Variants in GRIA3 observed in about 807,000 individuals in gnomAD.
GRIA3 encodes the protein glutamate receptor 3.
Under a neutral mutation model 63.0 loss-of-function variants are expected in GRIA3, and 3 were observed. The observed-to-expected ratio is 0.05, with a 90% CI of 0.02 to 0.12. GRIA3 has a LOEUF of 0.12. Ranked by LOEUF, GRIA3 falls within the 10% of genes least tolerant of loss-of-function variation. The probability of loss-of-function intolerance (pLI) is 1.00; values close to 1 mark genes in which losing one functional copy is unlikely to be tolerated. For missense variants in GRIA3, 347 were observed against 700.9 expected (o/e 0.50, Z 5.70); for synonymous variants, 274 against 257.9 (o/e 1.06, Z -0.60).
At chrX:123,470,203 T>C (rs2045854685) in intron 13 of GRIA3, among the ~76,000 whole-genome samples, 1 of 111,692 alleles carries the variant, frequency 9.0e-6, no homozygotes, top group Admixed American at 9.5e-5. Context: ...TTGAGAGGCA[T>C]ATAAGGAAAT....
At chrX:123,447,451 C>T (rs2147415926) in intron 12 of GRIA3, among the ~76,000 whole-genome samples, 1 of 111,932 alleles carries the variant, frequency 8.9e-6, no homozygotes, top group South Asian at 3.8e-4. Context: ...GTATCAGAAA[C>T]TCAAGTCAAA....
intron 3 of GRIA3, among the ~76,000 whole-genome samples, chrX:123,291,258 A>T (rs982016010): frequency 3.6e-5 from 4 of 111,471 alleles, no homozygotes; most frequent in African/African-American, 9.8e-5. Context: ...TAGTAGGTAG[A>T]TATGTATCTA....
At chrX:123,473,754 G>C (rs926804141) in intron 13 of GRIA3, among the ~76,000 whole-genome samples, 2 of 111,939 alleles carry the variant, frequency 1.8e-5, no homozygotes, top group Non-Finnish European at 3.8e-5. Flanking sequence ...GGGGCTTCCA[G>C]CTTAGGCCGT....
chrX:123,307,953 G>A (rs6648508), intron 3 of GRIA3, among the ~76,000 whole-genome samples: 2 of 111,704 alleles, frequency 1.8e-5, no homozygotes, highest in East Asian at 5.7e-4. Context: ...AATATCTCCA[G>A]TAGTGAAGAC....
chrX:123,287,638 C>G (rs527889505), intron 3 of GRIA3, among the ~76,000 whole-genome samples: 38 of 111,479 alleles, frequency 3.4e-4, no homozygotes, highest in Middle Eastern at 4.6e-3. Context: ...AACAGAGAGC[C>G]AATTCATGAG....
At chrX:123,482,265 T>C (rs1017823575) in intron 14 of GRIA3, among the ~76,000 whole-genome samples, 38 of 111,990 alleles carry the variant, frequency 3.4e-4, no homozygotes, top group African/African-American at 1.2e-3. Context: ...CAGAGAAAAA[T>C]AGCAGGAACC....
intron 5 of GRIA3, among the ~76,000 whole-genome samples, chrX:123,367,005 C>T (rs981929813): frequency 1.8e-5 from 2 of 111,242 alleles, no homozygotes; most frequent in African/African-American, 3.3e-5. Context: ...TCTCAGAGCC[C>T]GACTTTATGA....
At chrX:123,207,846 G>T (rs915208525) in intron 2 of GRIA3, among the ~76,000 whole-genome samples, 5 of 111,384 alleles carry the variant, frequency 4.5e-5, no homozygotes, top group Non-Finnish European at 7.5e-5. Context: ...GCCAAAAGAG[G>T]TAAGGCCTAC....
intron 3 of GRIA3, among the ~76,000 whole-genome samples, chrX:123,272,145 A>G (rs1569411633): frequency 9.0e-6 from 1 of 111,455 alleles, no homozygotes; most frequent in Non-Finnish European, 1.9e-5. Context: ...CGTCAGTCAC[A>G]TCTGGTTCTC....
intron 10 of GRIA3, among the ~76,000 whole-genome samples, chrX:123,413,086 C>A (rs1200722263): frequency 9.0e-6 from 1 of 111,479 alleles, no homozygotes; most frequent in African/African-American, 3.3e-5. Context: ...GGGAATCAGA[C>A]AACAAAAAGT....
intron 4 of GRIA3, 130 bp from the exon 5 acceptor site, chrX:123,354,780 A>G (rs2045122116): frequency 1.8e-6 from 1 of 550,476 alleles, no homozygotes; most frequent in African/African-American, 2.3e-5. Flanking sequence ...ACAACAAGAA[A>G]TCTGATCCAA....
In GRIA3 at chrX:123,445,102, A is replaced by G. The variant is rs369646625; in HGVS notation, c.2076+16963A>G. Among the ~76,000 whole-genome samples, 7 of 112,123 alleles carry G rather than the reference A, an allele frequency of 6.2e-5. No individual in the cohort carries two copies. The East Asian group carries it at 1.1e-3, about 18-fold the overall frequency. ...TGCTGATTAAGGCTATATTATGGAC[A>G]TTGCTCAGCTTCATATGTGGTTAAG... On this transcript the variant is annotated intron_variant, in intron 12 of 15. Transcript: ENST00000620443.
At chrX:123,310,607 A>G (rs967592618) in intron 3 of GRIA3, among the ~76,000 whole-genome samples, 16 of 113,111 alleles carry the variant, frequency 1.4e-4, no homozygotes, top group Admixed American at 5.6e-4. Context: ...CAATCAGGGT[A>G]AGGGAGCAGA....
chrX:123,206,094 A>G (rs1442317554), intron 2 of GRIA3, among the ~76,000 whole-genome samples: 1 of 111,882 alleles, frequency 8.9e-6, no homozygotes, highest in Non-Finnish European at 1.9e-5. Context: ...ACTGATCTGG[A>G]AAACATAACT....
rs187271988 is a variant in GRIA3 at position 123,243,613 on chromosome X, A to G, written c.269-9690A>G. 4.1e-3 allele frequency among the ~76,000 whole-genome samples: 464 copies of G among 112,265 alleles called. 6 individuals are homozygous for G. The highest frequency in any genetic ancestry group is 0.014 in the African/African-American group (440 of 30,890). Reference sequence around the variant, plus strand: ...AACCACCTTATCATGAAGTCACAGCATCCTACACATTCTCCTCTTCATAGT... The same window carrying G: ...AACCACCTTATCATGAAGTCACAGCGTCCTACACATTCTCCTCTTCATAGT... On this transcript the variant is annotated intron_variant, in intron 2 of 15. Coordinates refer to ENST00000620443, the MANE Select transcript of GRIA3 (RefSeq NM_007325.5).
intron 7 of GRIA3, among the ~76,000 whole-genome samples, chrX:123,400,195 G>A (rs2045436892): frequency 9.0e-6 from 1 of 110,870 alleles, no homozygotes; most frequent in Non-Finnish European, 1.9e-5. Context: ...CAGAATGAAG[G>A]ATAAGATACC....
intron 5 of GRIA3, among the ~76,000 whole-genome samples, chrX:123,360,833 C>CCTCT (rs1157595220): frequency 7.4e-5 from 5 of 67,698 alleles, no homozygotes; most frequent in South Asian, 8.4e-4. Flanking sequence ...TTCCTTCCCT[C>CCTCT]CTCTCTCTCT....
chrX:123,266,248 C>T (rs952651288), intron 3 of GRIA3, among the ~76,000 whole-genome samples: 2 of 112,045 alleles, frequency 1.8e-5, no homozygotes, highest in African/African-American at 3.2e-5. Flanking sequence ...AGGCCCCAAC[C>T]TCTCTTTCCA....
chrX:123,381,480 A>G lies in GRIA3; in HGVS notation c.751-13488A>G, dbSNP rs956257064. 3.6e-5 allele frequency among the ~76,000 whole-genome samples: 4 copies of G among 111,986 alleles called. No individual in the cohort carries two copies. The Admixed American group carries it at 3.8e-4, about 11-fold the overall frequency. On this transcript the variant is annotated intron_variant, in intron 5 of 15. Coordinates refer to ENST00000620443, the MANE Select transcript of GRIA3 (RefSeq NM_007325.5). ...CTGCCTTAGGGTTATAAGTGTCATA[A>G]CCATAAAAATTCATCAAAGATTATT...
Sources: allele counts gnomAD v4.1 joint callset (sites outside exome capture counted in the v4.1 genomes callset), GRCh38; gene constraint gnomAD v4.1.1; transcripts MANE v1.5; gene names NCBI Gene and HGNC (gene_info 2026-07-23, HGNC 2026-07-21).